The following CATSPER1 variants were observed in gnomAD, a reference collection of about 807,000 sequenced individuals.
CATSPER1 encodes cation channel sperm-associated protein 1.
In CATSPER1, 57 loss-of-function variants were observed where a neutral mutation model predicts 72.7. That is an observed-to-expected ratio of 0.78 (90% CI 0.63 to 0.98). The LOEUF (loss-of-function observed/expected upper bound fraction) is 0.98. CATSPER1 is among the 50% of genes least tolerant of loss of function. The pLI, the probability that CATSPER1 is intolerant of heterozygous loss-of-function variation, is 0.00. For synonymous variants in CATSPER1, 363 were observed against 403.0 expected (o/e 0.90, Z 1.19); for missense variants, 910 against 1,033.9 (o/e 0.88, Z 1.64).
In CATSPER1 at chr11:66,026,405, AAAG is replaced by A; in HGVS notation, c.-29_-27del. On this transcript the variant is annotated 5_prime_UTR_variant, in exon 1 of 12. Transcript: ENST00000312106. ...GACTGTGCTGGGAACTCTGGAGCCAAAAGAGCTCAAGACCTGGGCCCAACAGGC... is the reference window on the plus strand; with the variant it reads ...GACTGTGCTGGGAACTCTGGAGCCAAAGCTCAAGACCTGGGCCCAACAGGC... 6.4e-7 allele frequency: 1 copy of A among 1,555,194 alleles called. No individual in the cohort carries two copies. The highest frequency in any genetic ancestry group is 8.7e-7 in the Non-Finnish European group (1 of 1,150,236).
Position 66,025,095 on chromosome 11 carries a change from G to T in CATSPER1, c.1216+69C>A, listed in dbSNP as rs683191. On this transcript the variant is annotated intron_variant, in intron 1 of 11. Coordinates refer to ENST00000312106, the MANE Select transcript of CATSPER1 (RefSeq NM_053054.4). ...TACGATCTGCGGAAGGACAGTGCGGGGCCGAGATCAGGTCTGGATCCTGCG... is the reference window on the plus strand; with the variant it reads ...TACGATCTGCGGAAGGACAGTGCGGTGCCGAGATCAGGTCTGGATCCTGCG... 117,344 of 1,598,996 alleles carry T rather than the reference G, an allele frequency of 0.073. 4,927 individuals are homozygous for T. Among genetic ancestry groups the T allele is most frequent in the Non-Finnish European group, 0.086 (100,561 of 1,167,336 alleles).
In CATSPER1 at chr11:66,020,567, A is replaced by C. The variant is rs1275441390; in HGVS notation, c.1988T>G (p.Leu663Arg). 1.1e-5 allele frequency: 17 copies of C among 1,611,438 alleles called. No homozygotes were observed. The highest frequency in any genetic ancestry group is 1.4e-5 in the Non-Finnish European group (17 of 1,178,788). The part of the protein sequence containing the change: ...IYIIIQYFIF[L>R]NLVITVLVDS... ...CAGAGCAGGGGTGAGTCCTCACTTG[A>C]GGAAGATGAAGTACTGGATGATGAT... Residue 663 changes from leucine (L) to arginine (R), a missense_variant, in exon 7 of 12, where the codon CTC becomes CGC. Coordinates refer to ENST00000312106, the MANE Select transcript of CATSPER1 (RefSeq NM_053054.4). This position sits in a 1 kb window ranked among gnomAD's most constrained non-coding sequence, Gnocchi z 4.5.
chr11:66,023,139 G>C (rs948774843), intron 1 of CATSPER1, 78 bp from the exon 2 acceptor site: 1 of 1,349,434 alleles, frequency 7.4e-7, no homozygotes, highest in East Asian at 2.3e-5. Context: ...GCCTGGCTCA[G>C]CGTCCATGGT....
chr11:66,023,043 G>A lies in CATSPER1; in HGVS notation c.1235C>T (p.Thr412Ile). 3.1e-6 allele frequency: 5 copies of A among 1,614,128 alleles called. No homozygotes were observed. The highest frequency in any genetic ancestry group is 4.2e-6 in the Non-Finnish European group (5 of 1,180,014). ...QKRKTGRLQR[T>I]RKKGHSTNLF... is the part of the protein sequence containing the mutation. ...ATTGGTAGAGTGTCCCTTCTTGCGG[G>A]TCCGCTGGAGCCGGCCGGCTGAAAG... The change falls in exon 2 of 12, where the codon ACC becomes ATC. Residue 412 changes from threonine to isoleucine, a missense_variant. Coordinates refer to ENST00000312106, the MANE Select transcript of CATSPER1 (RefSeq NM_053054.4).
chr11:66,018,214 A>AG (rs1251460801), intron 10 of CATSPER1, among the ~76,000 whole-genome samples: 1 of 151,272 alleles, frequency 6.6e-6, no homozygotes, highest in East Asian at 1.9e-4. Context: ...TCTCAAAAAA[A>AG]AAAAAAAAAG....
chr11:66,017,125 G>A lies in CATSPER1; in HGVS notation c.2251C>T (p.Gln751Ter), dbSNP rs891238251. 6.7e-7 allele frequency: 1 copy of A among 1,487,166 alleles called. No homozygotes were observed. The highest frequency in any genetic ancestry group is 1.8e-5 in the Admixed American group (1 of 55,436). The allele number at this position is 1,487,166 out of a possible 1,614,324, so 92.1% of individuals were successfully genotyped here. A position where few individuals can be genotyped will look rare whatever the true frequency, so the allele number is the denominator to read the frequency against. ...HYLQLVASVEQEQQKFRSQAA... is the reference protein window; with the variant it reads ...HYLQLVASVE ...TGGGAGCGGAACTTCTGCTGCTCCT[G>A]CTCCACGCTTGCCACCAGCTGCAGG... Residue 751 changes from glutamine to a stop codon, truncating the protein, a stop_gained, in exon 11 of 12, where the codon CAG becomes TAG. Transcript: ENST00000312106. LOFTEE classifies it high-confidence loss of function.
At chr11:66,024,340 C>T (rs529740328) in intron 1 of CATSPER1, among the ~76,000 whole-genome samples, 4 of 145,950 alleles carry the variant, frequency 2.7e-5, no homozygotes, top group African/African-American at 7.7e-5. Context: ...TGCAGTGGCA[C>T]GATCTCGGCT....
rs368430495 is a variant in CATSPER1 at position 66,022,628 on chromosome 11, G to A, written c.1429+221C>T. ...ATGCGCTCCCTAGTGGCTGCGGCGC[G>A]AACAGCACCGCCTCCCGCCTAGCGG... is the stretch of plus-strand genomic sequence containing the variant. On this transcript the variant is annotated intron_variant, in intron 2 of 11. Coordinates refer to ENST00000312106, the MANE Select transcript of CATSPER1 (RefSeq NM_053054.4). 5.9e-5 allele frequency among the ~76,000 whole-genome samples: 9 copies of A among 152,362 alleles called. No individual in the cohort carries two copies. In the South Asian group the frequency reaches 8.3e-4, roughly 14 times the overall value.
rs142954146 is a variant in CATSPER1 at position 66,026,134 on chromosome 11, G to A, written c.246C>T (p.Ser82=). 1.0e-5 allele frequency: 16 copies of A among 1,607,042 alleles called. No individual in the cohort carries two copies. Among genetic ancestry groups the A allele is most frequent in the South Asian group, 9.9e-5 (9 of 90,956 alleles). Residue 82 remains serine (S), a synonymous_variant, in exon 1 of 12, where the codon AGC becomes AGT. Transcript: ENST00000312106. The stretch of plus-strand genomic sequence containing the variant: ...GGGCTCTGCCGTGATTCCGTGCCTC[G>A]CTGTGGTGGTGAGATTGGTGGACAT... ...SSHVHQSHHH[S]EARNHGRAHG...
chr11:66,025,328 TA>T lies in CATSPER1; in HGVS notation c.1051del (p.Tyr351IlefsTer3). 6.2e-7 allele frequency: 1 copy of T among 1,614,088 alleles called. No homozygotes were observed. Among genetic ancestry groups the T allele is most frequent in the Admixed American group, 1.7e-5 (1 of 60,012 alleles). The part of the protein sequence containing the change: ...PAASRTGVFP[Y>X]HVAHPRGSAH... ...CGAGCCCCGTGGGTGTGCTACGTGA[TA>T]GGGGAAGACTCCTGTACGAGAAGCA... On this transcript the variant is annotated frameshift_variant, in exon 1 of 12. Coordinates refer to ENST00000312106, the MANE Select transcript of CATSPER1 (RefSeq NM_053054.4). LOFTEE classifies it high-confidence loss of function.
rs762457852 is a variant in CATSPER1, at chr11:66,025,837, G to A, written c.543C>T (p.Pro181=). The part of the protein sequence containing the change: ...EASHHGGSYL[P]HGPNPYSESF... ...ACTCACTGTAGGGATTGGGTCCATG[G>A]GGGAGGTAGGACCCACCATGGTGGG... Residue 181 remains proline (P), a synonymous_variant, in exon 1 of 12, where the codon CCC becomes CCT. Coordinates refer to ENST00000312106, the MANE Select transcript of CATSPER1 (RefSeq NM_053054.4). 10 of 1,612,994 alleles carry A rather than the reference G, an allele frequency of 6.2e-6. No individual in the cohort carries two copies. The highest frequency in any genetic ancestry group is 2.2e-5 in the East Asian group (1 of 44,812).
rs879542515 is a variant in CATSPER1 at position 66,025,369 on chromosome 11, A to C, written c.1011T>G (p.Asp337Glu). Reference protein sequence around the residue: ...IPHTSRSLIHDAPGPAASRTG... With the variant: ...IPHTSRSLIHEAPGPAASRTG... ...TACGAGAAGCAGCAGGGCCGGGGGC[A>C]TCGTGAATCAGGCTCCGGGATGTGT... The change falls in exon 1 of 12, where the codon GAT (aspartate) becomes GAG (glutamate). Residue 337 changes from aspartate to glutamate, a missense_variant. Physicochemically the swap from Asp to Glu is conservative, Grantham distance 45. Transcript: ENST00000312106. The C allele has an allele frequency of 8.1e-6, 13 of 1,614,014 alleles. No homozygotes were observed. Among genetic ancestry groups the C allele is most frequent in the Non-Finnish European group, 1.0e-5 (12 of 1,180,032 alleles).
chr11:66,017,193 G>GGGGGGGGGGGGGGGCCC lies in CATSPER1; in HGVS notation c.2202-20_2202-19insGGGCCCCCCCCCCCCCC. ...CTGCTGCCTGCGGGTGGGCGGGGGGGTCGCAGAGACAGGGGCTGGGCTGAC... is the reference window on the plus strand; with the variant it reads ...CTGCTGCCTGCGGGTGGGCGGGGGGGGGGGGGGGGGGGGGCCCTCGCAGAGACAGGGGCTGGGCTGAC... On this transcript the variant is annotated intron_variant, in intron 10 of 11. Transcript: ENST00000312106. 25 of 493,716 alleles carry GGGGGGGGGGGGGGGCCC rather than the reference G, an allele frequency of 5.1e-5. No individual in the cohort carries two copies. Among genetic ancestry groups the GGGGGGGGGGGGGGGCCC allele is most frequent in the Non-Finnish European group, 9.1e-5 (23 of 252,548 alleles). 30.6% of individuals were successfully genotyped at this position (493,716 alleles called of 1,614,324 possible).
At chr11:66,024,573 C>A (rs1452847309) in intron 1 of CATSPER1, among the ~76,000 whole-genome samples, 1 of 152,208 alleles carries the variant, frequency 6.6e-6, no homozygotes, top group African/African-American at 2.4e-5. Flanking sequence ...AGTCACCGCG[C>A]CTGGCCTGTT....
In CATSPER1 at chr11:66,020,115, G is replaced by A; in HGVS notation, c.2125+25C>T. On this transcript the variant is annotated intron_variant, in intron 9 of 11. Coordinates refer to ENST00000312106, the MANE Select transcript of CATSPER1 (RefSeq NM_053054.4). The surrounding 1 kb of genome is among the most constrained non-coding windows in gnomAD (Gnocchi z 4.5). ...GGCCCCCACTGCGGACGGGCAGGTG[G>A]GGCCAGGGCGGGCCAGGCCCATACC... The A allele has an allele frequency of 6.2e-7, 1 of 1,612,372 alleles. No homozygotes were observed. Among genetic ancestry groups the A allele is most frequent in the East Asian group, 2.2e-5 (1 of 44,864 alleles).
rs768570983 is a variant in CATSPER1 at position 66,025,571 on chromosome 11, C to T, written c.809G>A (p.Gly270Asp). 1.2e-6 allele frequency: 2 copies of T among 1,604,268 alleles called. No homozygotes were observed. Among genetic ancestry groups the T allele is most frequent in the Non-Finnish European group, 1.7e-6 (2 of 1,175,588 alleles). The change falls in exon 1 of 12, where the codon GGT becomes GAT. Residue 270 changes from glycine (G) to aspartate (D), a missense_variant. By Grantham distance (94) the Gly-to-Asp change is moderately conservative. Coordinates refer to ENST00000312106, the MANE Select transcript of CATSPER1 (RefSeq NM_053054.4). ...ISDYHSEYHQ[G>D]DHHPSEYHHG... ...GTGGTACTCACTGGGGTGGTGATCA[C>T]CTTGGTGGTACTCGCTGTGATAGTC... is the stretch of plus-strand genomic sequence containing the variant.
rs199771570 is a variant in CATSPER1, at chr11:66,025,784, A to G, written c.596T>C (p.Leu199Pro). Residue 199 changes from leucine to proline, a missense_variant, in exon 1 of 12, where the codon CTT becomes CCT. Leu to Pro is a moderately conservative substitution (Grantham distance 98, BLOSUM62 -3). Coordinates refer to ENST00000312106, the MANE Select transcript of CATSPER1 (RefSeq NM_053054.4). ...ESFHHSEASH[L>P]SGLQHDESQH... ...GGACTCATCGTGTTGGAGCCCGCTAAGGTGGGAAGCCTCGCTGTGGTGGAA... is the reference window on the plus strand; with the variant it reads ...GGACTCATCGTGTTGGAGCCCGCTAGGGTGGGAAGCCTCGCTGTGGTGGAA... 3.3e-5 allele frequency: 54 copies of G among 1,613,314 alleles called. No individual in the cohort carries two copies. In the Admixed American group the frequency reaches 6.7e-4, roughly 20 times the overall value.
chr11:66,017,899 T>C (rs1856272212), intron 10 of CATSPER1, among the ~76,000 whole-genome samples: 1 of 151,710 alleles, frequency 6.6e-6, no homozygotes, highest in African/African-American at 2.4e-5. Flanking sequence ...ATGAGCTGAG[T>C]TTGAAAGATA....
In CATSPER1 at chr11:66,020,070, G is replaced by T. The variant is rs965228414; in HGVS notation, c.2125+70C>A. On this transcript the variant is annotated intron_variant, in intron 9 of 11. Transcript: ENST00000312106. This position sits in a 1 kb window ranked among gnomAD's most constrained non-coding sequence, Gnocchi z 4.5. ...TGGAATTCTGTGACTGTGGAAGGAGGTTAGGGGGATGGAGAGACTGGCCCC... is the reference window on the plus strand; with the variant it reads ...TGGAATTCTGTGACTGTGGAAGGAGTTTAGGGGGATGGAGAGACTGGCCCC... 4.7e-6 allele frequency: 7 copies of T among 1,504,076 alleles called. No individual in the cohort carries two copies. The African/African-American group carries it at 5.5e-5, about 12-fold the overall frequency. 93.2% of individuals were successfully genotyped at this position (1,504,076 alleles called of 1,614,324 possible).
Sources: gnomAD v4.1 joint callset for allele counts (sites outside exome capture counted in the v4.1 genomes callset) on GRCh38, gnomAD v4.1.1 for gene constraint, Gnocchi (gnomAD v3.1) non-coding constraint, MANE v1.5 for transcripts, NCBI Gene and HGNC (gene_info 2026-07-23, HGNC 2026-07-21) for gene names.